Variants in GAS2 observed in about 807,000 individuals in gnomAD.
The protein encoded by GAS2 is growth arrest specific 2, also known as growth arrest-specific protein 2.
A neutral mutation model predicts 37.5 loss-of-function variants in GAS2; 20 were observed. The ratio of observed to expected loss-of-function variants is 0.53; its 90% CI spans 0.37 to 0.77. GAS2 has a LOEUF of 0.77. GAS2 is among the 30% of genes least tolerant of loss of function. The probability of loss-of-function intolerance (pLI) is 0.00; values close to 1 mark genes in which losing one functional copy is unlikely to be tolerated. For synonymous variants in GAS2, 144 were observed against 132.2 expected, an observed-to-expected ratio of 1.09 and a Z score of -0.61; for missense variants, 336 against 373.4, an observed-to-expected ratio of 0.90 and a Z score of 0.82.
chr11:22,641,228 G>GTA (rs1218880598), intron 1 of GAS2, among the ~76,000 whole-genome samples: 10 of 139,960 alleles, frequency 7.1e-5, no homozygotes, highest in Admixed American at 1.4e-4. Context: ...ATGTGTGTGT[G>GTA]TATATATATA....
intron 1 of GAS2, among the ~76,000 whole-genome samples, chr11:22,641,304 T>TTA (rs1848626226): frequency 1.1e-5 from 1 of 89,004 alleles, no homozygotes; most frequent in Non-Finnish European, 2.3e-5. Flanking sequence ...ATATATATCT[T>TTA]TATATATATT....
chr11:22,736,182 C>A (rs1852745697), intron 4 of GAS2, among the ~76,000 whole-genome samples: 1 of 151,866 alleles, frequency 6.6e-6, no homozygotes, highest in African/African-American at 2.4e-5. Context: ...TATACTAAAC[C>A]TTATGAAGTT....
In GAS2 at chr11:22,726,495, G is replaced by C. The variant is rs540941730; in HGVS notation, c.409+62G>C. 2.7e-6 allele frequency: 4 copies of C among 1,472,338 alleles called. No individual in the cohort carries two copies. In the African/African-American group the frequency reaches 5.7e-5, roughly 21 times the overall value. 91.2% of individuals were successfully genotyped at this position (1,472,338 alleles called of 1,614,324 possible). ...CGCAAATTATCTTTTGTCTTTGTCA[G>C]TATAGCCATCAAAAAGTTTTTTGTA... On this transcript the variant is annotated intron_variant, in intron 4 of 7. Transcript: ENST00000454584.
At chr11:22,720,507 T>C (rs1851896878) in intron 3 of GAS2, among the ~76,000 whole-genome samples, 1 of 152,066 alleles carries the variant, frequency 6.6e-6, no homozygotes, top group Admixed American at 6.6e-5. Context: ...ACTATGAATG[T>C]TCAAGGAAAT....
chr11:22,739,930 A>G (rs1478197085), intron 5 of GAS2, among the ~76,000 whole-genome samples: 1 of 151,960 alleles, frequency 6.6e-6, no homozygotes, highest in Non-Finnish European at 1.5e-5. Context: ...TTAAGTTTAT[A>G]GCATTTGCCT....
intron 3 of GAS2, among the ~76,000 whole-genome samples, chr11:22,690,851 C>T (rs1850212550): frequency 6.6e-6 from 1 of 152,128 alleles, no homozygotes; most frequent in African/African-American, 2.4e-5. Context: ...CAAACCCCTT[C>T]CTATTGTATA....
chr11:22,647,493 G>A (rs1446096771), intron 1 of GAS2, among the ~76,000 whole-genome samples: 5 of 151,886 alleles, frequency 3.3e-5, no homozygotes, highest in African/African-American at 7.2e-5. Flanking sequence ...CTGAGGAATC[G>A]CCACACTGAC....
chr11:22,717,892 A>G (rs1353666343), intron 3 of GAS2, among the ~76,000 whole-genome samples: 1 of 152,226 alleles, frequency 6.6e-6, no homozygotes, highest in Non-Finnish European at 1.5e-5. Context: ...ACTAATTATC[A>G]GGGAAATGCA....
chr11:22,664,905 A>G (rs1848959637), upstream of GAS2, among the ~76,000 whole-genome samples: 1 of 152,230 alleles, frequency 6.6e-6, no homozygotes, highest in East Asian at 1.9e-4. Context: ...CAACTCTTAG[A>G]TGTTAATGAA....
At chr11:22,756,497 G>A (rs888032447) in intron 7 of GAS2, among the ~76,000 whole-genome samples, 3 of 151,978 alleles carry the variant, frequency 2.0e-5, no homozygotes, top group Non-Finnish European at 2.9e-5. Flanking sequence ...AGAATGATTT[G>A]AATACGTACA....
At position 22,645,293 on chromosome 11, in the gene GAS2, A is replaced by G. The variant is rs759956895; in HGVS notation, c.-21+19480A>G. ...GGGAGGCCGAGATGGGCAGATCACG[A>G]GGTAAGGAGATTAAGACCATCCTGG... is the stretch of plus-strand genomic sequence containing the variant. On this transcript the variant is annotated intron_variant, in intron 1 of 5. Coordinates refer to the GAS2 transcript ENST00000528582. Among the ~76,000 whole-genome samples, 65 of 152,066 alleles carry G rather than the reference A, an allele frequency of 4.3e-4. 1 individual carries two copies. Among genetic ancestry groups the G allele is most frequent in the Non-Finnish European group, 7.4e-5 (5 of 68,012 alleles).
intron 3 of GAS2, chr11:22,702,361 A>G (rs1046003007): frequency 3.9e-5 from 6 of 152,184 alleles, no homozygotes; most frequent in Non-Finnish European, 7.3e-5. Context: ...TACTTAACAG[A>G]GGATGAAGTT....
intron 1 of GAS2, among the ~76,000 whole-genome samples, chr11:22,628,633 AT>A (rs927472606): frequency 5.3e-5 from 8 of 150,604 alleles, no homozygotes; most frequent in African/African-American, 1.2e-4. Context: ...CTTTAACAGA[AT>A]TTTTTTTTTA....
chr11:22,690,365 C>T (rs1479648596), intron 3 of GAS2, among the ~76,000 whole-genome samples: 1 of 152,076 alleles, frequency 6.6e-6, no homozygotes, highest in Non-Finnish European at 1.5e-5. Context: ...ATGATTCTTT[C>T]TTCCCAGACA....
At chr11:22,728,621 A>C (rs1300426949) in intron 4 of GAS2, among the ~76,000 whole-genome samples, 7 of 151,818 alleles carry the variant, frequency 4.6e-5, no homozygotes, top group Non-Finnish European at 1.0e-4. Flanking sequence ...TCTCAGTACC[A>C]AGTTAAATTA....
chr11:22,703,210 A>T (rs1368092075), intron 3 of GAS2, among the ~76,000 whole-genome samples: 1 of 152,140 alleles, frequency 6.6e-6, no homozygotes, highest in South Asian at 2.1e-4. Context: ...TTCCATGATG[A>T]CATCATCCCT....
intron 7 of GAS2, among the ~76,000 whole-genome samples, chr11:22,798,080 T>G (rs7929861): frequency 1.3e-5 from 2 of 152,206 alleles, no homozygotes; most frequent in South Asian, 4.1e-4. Flanking sequence ...CGTTGCTTCT[T>G]AGCTAGGTGA....
intron 6 of GAS2, among the ~76,000 whole-genome samples, chr11:22,751,898 A>C (rs1335243341): frequency 6.6e-6 from 1 of 152,032 alleles, no homozygotes; most frequent in African/African-American, 2.4e-5. Flanking sequence ...CCCTACTCCC[A>C]AATTGTATGC....
intron 1 of GAS2, among the ~76,000 whole-genome samples, chr11:22,652,993 G>GTCTTTCTTTCTTTGTCTTTCTTTC (rs1554965875): frequency 2.1e-5 from 2 of 97,036 alleles, no homozygotes; most frequent in African/African-American, 9.8e-5. Flanking sequence ...TTCTTTCTTT[G>GTCTTTCTTTCTTTGTCTTTCTTTC]TCTTTCTTTC....
Sources: allele counts gnomAD v4.1 joint callset (sites outside exome capture counted in the v4.1 genomes callset), GRCh38; gene constraint gnomAD v4.1.1; transcripts MANE v1.5; gene names NCBI Gene and HGNC (gene_info 2026-07-23, HGNC 2026-07-21).